The following ZNF536 variants were observed in gnomAD, a reference collection of about 807,000 sequenced individuals.
ZNF536 encodes zinc finger protein 536.
A neutral mutation model predicts 84.5 loss-of-function variants in ZNF536; 13 were observed. The observed-to-expected ratio is 0.15, with a 90% confidence interval of 0.10 to 0.24. The LOEUF (loss-of-function observed/expected upper bound fraction) is 0.24, where lower values mean the gene tolerates loss of function less well. Ranked by LOEUF, ZNF536 falls within the 10% of genes least tolerant of loss-of-function variation. ZNF536 has a pLI of 1.00. For synonymous variants in ZNF536, 811 were observed against 742.5 expected (o/e 1.09, Z -1.50); for missense variants, 1,536 against 1,747.5 (o/e 0.88, Z 2.16).
intron 1 of ZNF536, among the ~76,000 whole-genome samples, chr19:30,415,559 G>T (rs2147774686): frequency 6.7e-6 from 1 of 150,224 alleles, no homozygotes; most frequent in Non-Finnish European, 1.5e-5. Flanking sequence ...TCAGTCTACA[G>T]ACTGAAAAAT....
chr19:30,626,901 C>T (rs530841681), intron 1 of ZNF536, among the ~76,000 whole-genome samples: 1 of 152,326 alleles, frequency 6.6e-6, no homozygotes, highest in East Asian at 1.9e-4. Flanking sequence ...GCTGCCCTCC[C>T]GTCCTTCCCG....
At chr19:30,524,259 G>A (rs1192736713) in intron 2 of ZNF536, among the ~76,000 whole-genome samples, 1 of 152,186 alleles carries the variant, frequency 6.6e-6, no homozygotes, top group Non-Finnish European at 1.5e-5. Context: ...AAAAGAGTAT[G>A]TATTATGTAT....
intron 1 of ZNF536, among the ~76,000 whole-genome samples, chr19:30,283,145 C>T (rs191615676): frequency 6.6e-6 from 1 of 152,150 alleles, no homozygotes; most frequent in African/African-American, 2.4e-5. Context: ...GAATCCATAG[C>T]GAAATTCTAC....
upstream of ZNF536, among the ~76,000 whole-genome samples, chr19:30,371,561 T>G (rs1293229609): frequency 6.7e-6 from 1 of 149,664 alleles, no homozygotes; most frequent in Non-Finnish European, 1.5e-5. Context: ...TTTTCTTGTT[T>G]TTTTTTTTTT....
intron 1 of ZNF536, among the ~76,000 whole-genome samples, chr19:30,256,938 A>C (rs2024946163): frequency 6.6e-6 from 1 of 152,230 alleles, no homozygotes; most frequent in African/African-American, 2.4e-5. Flanking sequence ...TAATTATATC[A>C]ATCAAGATCC....
chr19:30,291,799 A>G (rs1335858861), intron 2 of ZNF536, among the ~76,000 whole-genome samples: 1 of 152,130 alleles, frequency 6.6e-6, no homozygotes, highest in African/African-American at 2.4e-5. Context: ...AGTGGCTCTT[A>G]GTATGGTTCT....
rs2148189208 is a variant in ZNF536, at chr19:30,444,570, C to A, written c.1008C>A (p.Gly336=). Residue 336 remains glycine, a synonymous_variant, in exon 2 of 5, where the codon GGC becomes GGA. Transcript: ENST00000355537. ...AESAQGQGPN[G]GGEQSANEFR... is the part of the protein sequence containing the mutation. ...CGGCCCAGGGCCAGGGCCCCAACGG[C>A]GGTGGCGAGCAGTCGGCCAACGAGT... 6.2e-7 allele frequency: 1 copy of A among 1,613,624 alleles called. No individual in the cohort carries two copies. The highest frequency in any genetic ancestry group is 2.2e-5 in the East Asian group (1 of 44,874).
Position 30,402,798 on chromosome 19 carries a change from T to A in ZNF536, c.-3+30242T>A, listed in dbSNP as rs1341198645. ...TTAAACATTTTTTAAAATTAAAAAA[T>A]ATATATATATATATATATATATATA... is the stretch of plus-strand genomic sequence containing the variant. On this transcript the variant is annotated intron_variant, in intron 1 of 4. Coordinates refer to ENST00000355537, the MANE Select transcript of ZNF536 (RefSeq NM_014717.3). Among the ~76,000 whole-genome samples, 40 of 57,010 alleles carry A rather than the reference T, an allele frequency of 7.0e-4. 1 individual carries two copies. In the East Asian group the frequency reaches 0.016, roughly 23 times the overall value. The allele number at this position is 57,010 out of a possible 152,430, so 37.4% of individuals were successfully genotyped here. A position where few individuals can be genotyped will look rare whatever the true frequency, so the allele number is the denominator to read the frequency against.
intron 2 of ZNF536, among the ~76,000 whole-genome samples, chr19:30,346,056 A>G (rs774859298): frequency 6.6e-6 from 1 of 152,186 alleles, no homozygotes; most frequent in African/African-American, 2.4e-5. Flanking sequence ...CCATGCCACT[A>G]TGATGCTGCC....
At chr19:30,598,169 T>A (rs1420424502) in intron 1 of ZNF536, among the ~76,000 whole-genome samples, 1 of 152,188 alleles carries the variant, frequency 6.6e-6, no homozygotes, top group East Asian at 1.9e-4. Context: ...GTCCTCCTGG[T>A]CTTGCTTCTG....
chr19:30,508,370 G>A (rs2055259108), intron 2 of ZNF536, among the ~76,000 whole-genome samples: 1 of 152,198 alleles, frequency 6.6e-6, no homozygotes, highest in African/African-American at 2.4e-5. Flanking sequence ...GTAGAGGATG[G>A]GGAGGACCTT....
intron 1 of ZNF536, among the ~76,000 whole-genome samples, chr19:30,234,076 A>T (rs2023282787): frequency 6.6e-6 from 1 of 152,246 alleles, no homozygotes; most frequent in Admixed American, 6.5e-5. Context: ...AAGGAAAGTC[A>T]GTCTATAAGG....
At chr19:30,457,946 G>A (rs2052933337) in intron 2 of ZNF536, among the ~76,000 whole-genome samples, 1 of 152,224 alleles carries the variant, frequency 6.6e-6, no homozygotes, top group South Asian at 2.1e-4. Context: ...CTTCTTTTTG[G>A]GTGGTGGGTG....
intron 2 of ZNF536, among the ~76,000 whole-genome samples, chr19:30,533,558 C>A (rs1245078914): frequency 6.6e-6 from 1 of 151,942 alleles, no homozygotes; most frequent in Admixed American, 6.6e-5. Flanking sequence ...TGTCCTTCAT[C>A]TTTCTCATGG....
chr19:30,471,772 G>A (rs1019605294), intron 2 of ZNF536, among the ~76,000 whole-genome samples: 6 of 152,252 alleles, frequency 3.9e-5, no homozygotes, highest in Admixed American at 3.3e-4. Context: ...TGGATAGAGA[G>A]AGAATGGTTG....
intron 1 of ZNF536, among the ~76,000 whole-genome samples, chr19:30,610,351 T>G (rs910852646): frequency 6.6e-6 from 1 of 152,192 alleles, no homozygotes; most frequent in South Asian, 2.1e-4. Flanking sequence ...CTGGGAGAGC[T>G]GATACTTCTT....
intron 1 of ZNF536, among the ~76,000 whole-genome samples, chr19:30,434,378 C>T (rs1272149033): frequency 6.6e-6 from 1 of 152,230 alleles, no homozygotes; most frequent in Non-Finnish European, 1.5e-5. Flanking sequence ...TGTGCGTCTT[C>T]TGTTCCTTGG....
intron 1 of ZNF536, among the ~76,000 whole-genome samples, chr19:30,638,929 T>C (rs2049168581): frequency 6.6e-6 from 1 of 152,220 alleles, no homozygotes; most frequent in Non-Finnish European, 1.5e-5. Flanking sequence ...GTCTCACAAT[T>C]TCCAGTTGAT....
At chr19:30,688,541 A>G (rs1034683293) in intron 1 of ZNF536, among the ~76,000 whole-genome samples, 1 of 152,242 alleles carries the variant, frequency 6.6e-6, no homozygotes, top group African/African-American at 2.4e-5. Context: ...ATGCATATTG[A>G]CAATTGTTGG....
Sources: gnomAD v4.1 joint callset for allele counts (sites outside exome capture counted in the v4.1 genomes callset) on GRCh38, gnomAD v4.1.1 for gene constraint, MANE v1.5 for transcripts, NCBI Gene and HGNC (gene_info 2026-07-23, HGNC 2026-07-21) for gene names.